CLASP1: variants seen among roughly 807,000 people sequenced by gnomAD.
CLASP1 encodes the protein CLIP-associating protein 1.
CLASP1 carries 38 observed loss-of-function variants against 192.3 expected under a neutral mutation model. The observed-to-expected ratio is 0.20, with a 90% CI of 0.15 to 0.26. The LOEUF is 0.26. Among genes scored for constraint, CLASP1 ranks in the 10% least tolerant of loss-of-function variants. CLASP1 has a pLI of 1.00. For missense variants in CLASP1, 1,433 were observed against 1,932.5 expected, an observed-to-expected ratio of 0.74 and a Z score of 4.85; for synonymous variants, 691 against 712.8, an observed-to-expected ratio of 0.97 and a Z score of 0.49.
rs560624593 is a variant in CLASP1 at position 121,394,550 on chromosome 2, G to A, written c.3123+2590C>T. 9.3e-4 allele frequency among the ~76,000 whole-genome samples: 141 copies of A among 152,268 alleles called. 1 individual carries two copies. Among genetic ancestry groups the A allele is most frequent in the African/African-American group, 3.3e-3 (138 of 41,554 alleles). The stretch of plus-strand genomic sequence containing the variant: ...TTCAGGATTCTCTCTTTGGCTTTCA[G>A]CAATTAGATGTTATGTGTCTAGGTG... On this transcript the variant is annotated intron_variant, in intron 30 of 39. Coordinates refer to ENST00000263710, the Ensembl canonical transcript of CLASP1.
chr2:121,615,439 G>A (rs1217322595), intron 1 of CLASP1, among the ~76,000 whole-genome samples: 1 of 152,176 alleles, frequency 6.6e-6, no homozygotes, highest in Non-Finnish European at 1.5e-5. Flanking sequence ...TGAGATACCT[G>A]TGAGATAAGT....
intron 7 of CLASP1, among the ~76,000 whole-genome samples, chr2:121,506,028 GAA>G (rs2093937757): frequency 6.6e-6 from 1 of 152,032 alleles, no homozygotes; most frequent in Non-Finnish European, 1.5e-5. Flanking sequence ...TAAAGAGAAA[GAA>G]AAAGTTTTTT....
intron 2 of CLASP1, among the ~76,000 whole-genome samples, chr2:121,597,128 T>G (rs2063231757): frequency 6.6e-6 from 1 of 152,224 alleles, no homozygotes; most frequent in Admixed American, 6.5e-5. Flanking sequence ...CTCTGGTTGT[T>G]GCATAAGGAC....
At chr2:121,392,834 T>G (rs1269914118) in intron 30 of CLASP1, among the ~76,000 whole-genome samples, 3 of 152,114 alleles carry the variant, frequency 2.0e-5, no homozygotes, top group Admixed American at 6.5e-5. Flanking sequence ...ATGGAAAAGT[T>G]TACTTTTGGA....
At chr2:121,546,815 G>C (rs146575063) in intron 2 of CLASP1, among the ~76,000 whole-genome samples, 3 of 152,300 alleles carry the variant, frequency 2.0e-5, no homozygotes, top group Non-Finnish European at 4.4e-5. Context: ...CAGACCCTGA[G>C]CATAGCATGG....
At chr2:121,587,319 T>TC (rs1337398632) in intron 2 of CLASP1, among the ~76,000 whole-genome samples, 1 of 152,024 alleles carries the variant, frequency 6.6e-6, no homozygotes, top group Non-Finnish European at 1.5e-5. Flanking sequence ...AATCCTGCCC[T>TC]CCCCCCATCC....
chr2:121,365,505 G>A (rs182728648), intron 35 of CLASP1, among the ~76,000 whole-genome samples: 16 of 152,274 alleles, frequency 1.1e-4, no homozygotes, highest in African/African-American at 3.6e-4. Flanking sequence ...GCAGAGGTGC[G>A]AGACCAGCTG....
intron 19 of CLASP1, 143 bp downstream of exon 19, chr2:121,447,194 A>G: frequency 1.3e-6 from 1 of 747,296 alleles, no homozygotes; most frequent in Non-Finnish European, 2.2e-6. Flanking sequence ...ATCAGCAGCA[A>G]GTGCACGAAG....
intron 35 of CLASP1, among the ~76,000 whole-genome samples, chr2:121,366,835 G>A (rs2067499847): frequency 6.6e-6 from 1 of 151,996 alleles, no homozygotes; most frequent in Admixed American, 6.6e-5. Flanking sequence ...TTCAGTTCCC[G>A]AAAAAAACAC....
chr2:121,515,833 G>A lies in CLASP1; in HGVS notation c.547-71C>T, dbSNP rs2094274900. The A allele has an allele frequency of 5.0e-6, 6 of 1,207,138 alleles. No homozygotes were observed. The South Asian group carries it at 6.2e-5, about 12-fold the overall frequency. The allele number at this position is 1,207,138 out of a possible 1,614,324, so 74.8% of individuals were successfully genotyped here. On this transcript the variant is annotated intron_variant, in intron 6 of 39. Transcript: ENST00000263710. ...CAGCAAGTCCTGCTGGGACACAACA[G>A]GCCATATACCACCCCAATTTATCAC...
Position 121,451,257 on chromosome 2 carries a change from A to T in CLASP1, c.1446-267T>A, listed in dbSNP as rs6541777. On this transcript the variant is annotated intron_variant, in intron 15 of 39. Coordinates refer to ENST00000263710, the Ensembl canonical transcript of CLASP1. ...CCTATTCTCTTGTGGGATTTTTTTT[A>T]AAAAACACAAGCTGATTTTTTAAAA... Among the ~76,000 whole-genome samples the T allele has an allele frequency of 4.9e-3, 752 of 152,292 alleles. 8 individuals carry two copies. The highest frequency in any genetic ancestry group is 0.017 in the African/African-American group (725 of 41,540).
chr2:121,552,606 T>G (rs897076890), intron 2 of CLASP1, among the ~76,000 whole-genome samples: 1 of 152,200 alleles, frequency 6.6e-6, no homozygotes, highest in Non-Finnish European at 1.5e-5. Context: ...TCAACATCAC[T>G]GATCATTAGA....
intron 6 of CLASP1, among the ~76,000 whole-genome samples, chr2:121,519,346 G>C (rs572989437): frequency 1.3e-5 from 2 of 152,318 alleles, no homozygotes; most frequent in East Asian, 3.9e-4. Flanking sequence ...GATTGCAGCA[G>C]GCTGAGTGCA....
At chr2:121,574,943 A>G (rs551965813) in intron 2 of CLASP1, among the ~76,000 whole-genome samples, 16 of 151,978 alleles carry the variant, frequency 1.1e-4, no homozygotes, top group Middle Eastern at 6.8e-3. Flanking sequence ...ATTCTGTCTC[A>G]AAGAAAAAAA....
At chr2:121,610,257 G>C (rs951273197) in intron 1 of CLASP1, among the ~76,000 whole-genome samples, 3 of 151,372 alleles carry the variant, frequency 2.0e-5, no homozygotes, top group African/African-American at 7.3e-5. Flanking sequence ...CTGAGGAGGA[G>C]GAGTTACAGG....
chr2:121,352,864 G>A (rs1383033745), intron 37 of CLASP1, among the ~76,000 whole-genome samples: 5 of 151,998 alleles, frequency 3.3e-5, no homozygotes, highest in Admixed American at 3.3e-4. Context: ...ACGTTGACCA[G>A]GCTGGTCTCA....
intron 1 of CLASP1, among the ~76,000 whole-genome samples, chr2:121,615,946 T>C (rs185662521): frequency 7.2e-5 from 11 of 152,256 alleles, no homozygotes; most frequent in Admixed American, 2.0e-4. Flanking sequence ...TACAGCTTCA[T>C]TGAAAGTTCA....
At chr2:121,494,659 T>A (rs556101465) in intron 8 of CLASP1, among the ~76,000 whole-genome samples, 3 of 152,206 alleles carry the variant, frequency 2.0e-5, no homozygotes, top group African/African-American at 7.2e-5. Context: ...CCTACTTACC[T>A]TGATGTGACT....
chr2:121,422,288 T>C (rs1438520227), intron 22 of CLASP1, among the ~76,000 whole-genome samples: 1 of 152,234 alleles, frequency 6.6e-6, no homozygotes, highest in African/African-American at 2.4e-5. Context: ...CATTTTCATG[T>C]CTTGGTCTTA....
Sources: allele counts gnomAD v4.1 joint callset (sites outside exome capture counted in the v4.1 genomes callset), GRCh38; gene constraint gnomAD v4.1.1; transcripts MANE v1.5; gene names NCBI Gene and HGNC (gene_info 2026-07-23, HGNC 2026-07-21).